The following RBPMS variants were observed in gnomAD, a reference collection of about 807,000 sequenced individuals.
The protein encoded by RBPMS is RNA-binding protein with multiple splicing.
RBPMS carries 7 observed loss-of-function variants against 26.8 expected under a neutral mutation model. The observed-to-expected ratio is 0.26, with a 90% confidence interval of 0.15 to 0.49. The LOEUF is 0.49. Ranked by LOEUF, RBPMS falls within the 20% of genes least tolerant of loss-of-function variation. The pLI, the probability that RBPMS is intolerant of heterozygous loss-of-function variation, is 0.98. For synonymous variants in RBPMS, 96 were observed against 93.3 expected, an observed-to-expected ratio of 1.03 and a Z score of -0.17; for missense variants, 186 against 250.0, an observed-to-expected ratio of 0.74 and a Z score of 1.73.
intron 1 of RBPMS, among the ~76,000 whole-genome samples, chr8:30,421,608 A>G (rs956005546): frequency 2.0e-5 from 3 of 152,180 alleles, no homozygotes; most frequent in Non-Finnish European, 4.4e-5. Context: ...GGATAATGTC[A>G]TATCCTCACA....
chr8:30,566,949 T>C (rs1320010992), intron 8 of RBPMS, among the ~76,000 whole-genome samples: 1 of 152,138 alleles, frequency 6.6e-6, no homozygotes, highest in Non-Finnish European at 1.5e-5. Context: ...TGATCTGTCT[T>C]TTCAGTCGGT....
At chr8:30,482,410 C>T (rs1818374263) in intron 4 of RBPMS, among the ~76,000 whole-genome samples, 1 of 152,166 alleles carries the variant, frequency 6.6e-6, no homozygotes, top group Admixed American at 6.5e-5. Flanking sequence ...ACGACTTCTC[C>T]ATGTTTAATT....
chr8:30,421,309 T>C (rs1810761618), intron 1 of RBPMS, among the ~76,000 whole-genome samples: 1 of 152,166 alleles, frequency 6.6e-6, no homozygotes, highest in Admixed American at 6.5e-5. Flanking sequence ...ACTAAGAAAT[T>C]ATCACCAGAC....
At chr8:30,516,923 G>GACACACACACACACACACAC (rs67235611) in intron 5 of RBPMS, among the ~76,000 whole-genome samples, 2 of 146,390 alleles carry the variant, frequency 1.4e-5, no homozygotes, top group East Asian at 2.0e-4. Flanking sequence ...CACACACACA[G>GACACACACACACACACACAC]ACACACATGA....
At chr8:30,432,097 GCCTGGACAACAGAGTGAGAC>G (rs941720864) in intron 1 of RBPMS, among the ~76,000 whole-genome samples, 3 of 152,148 alleles carry the variant, frequency 2.0e-5, no homozygotes, top group African/African-American at 4.8e-5. Context: ...CTGCACTCCA[GCCTGGACAACAGAGTGAGAC>G]CCTGTCTCAA....
intron 5 of RBPMS, among the ~76,000 whole-genome samples, chr8:30,528,298 G>T (rs1387100028): frequency 6.6e-6 from 1 of 152,140 alleles, no homozygotes; most frequent in Non-Finnish European, 1.5e-5. Flanking sequence ...TCTGCAATAG[G>T]ATTTGGTTCC....
chr8:30,389,071 A>T (rs763211776), intron 1 of RBPMS, among the ~76,000 whole-genome samples: 7 of 152,336 alleles, frequency 4.6e-5, no homozygotes, highest in Non-Finnish European at 4.4e-5. Context: ...TGGCAACCTC[A>T]AATTTTCATT....
chr8:30,392,264 AG>A (rs1257145398), intron 1 of RBPMS, among the ~76,000 whole-genome samples: 2 of 152,158 alleles, frequency 1.3e-5, no homozygotes, highest in Non-Finnish European at 2.9e-5. Flanking sequence ...GCTAAATCTC[AG>A]TTAAGATTTT....
At chr8:30,477,675 CCCAGATAA>C in intron 2 of RBPMS, 116 bp from the exon 3 acceptor site, 1 of 664,654 alleles carries the variant, frequency 1.5e-6, no homozygotes, top group Admixed American at 2.6e-5. Flanking sequence ...AATTTGCTTT[CCCAGATAA>C]CTTAGGAGAC....
intron 5 of RBPMS, among the ~76,000 whole-genome samples, chr8:30,533,791 T>A (rs1281888106): frequency 6.6e-6 from 1 of 152,136 alleles, no homozygotes. Flanking sequence ...CAAATCAGGT[T>A]TTTTCCCCCC....
chr8:30,440,561 C>G (rs56255047), intron 1 of RBPMS, among the ~76,000 whole-genome samples: 36,854 of 152,034 alleles, frequency 0.24, 4,915 homozygotes, highest in East Asian at 0.43. Context: ...TTCCATCCTT[C>G]TGTCAAATGG....
At chr8:30,409,286 T>G (rs1211180459) in intron 1 of RBPMS, among the ~76,000 whole-genome samples, 1 of 151,858 alleles carries the variant, frequency 6.6e-6, no homozygotes, top group African/African-American at 2.4e-5. Flanking sequence ...TTCTGCCTCC[T>G]GGGTTCAAGC....
At chr8:30,557,828 G>A (rs190413179) in intron 6 of RBPMS, among the ~76,000 whole-genome samples, 23 of 152,348 alleles carry the variant, frequency 1.5e-4, no homozygotes, top group Admixed American at 3.9e-4. Context: ...GATGGATGCC[G>A]TTAAAGACAA....
At chr8:30,446,795 TTGTGTGTGTGTGTGTGTGTGTGTGTG>T (rs749402868) in intron 1 of RBPMS, 3 of 112,432 alleles carry the variant, frequency 2.7e-5, no homozygotes, top group Non-Finnish European at 3.6e-5. Context: ...CACACATGGC[TTGTGTGTGTGTGTGTGTGTGTGTGTG>T]TGTGTGTGTG....
intron 6 of RBPMS, among the ~76,000 whole-genome samples, chr8:30,551,698 C>T (rs1299754507): frequency 2.6e-5 from 4 of 152,172 alleles, no homozygotes; most frequent in Admixed American, 1.3e-4. Flanking sequence ...GATTAACAAC[C>T]GCGTGGCCCA....
intron 1 of RBPMS, chr8:30,442,934 G>A (rs140194253): frequency 7.3e-4 from 111 of 152,310 alleles, no homozygotes; most frequent in African/African-American, 2.5e-3. Flanking sequence ...TAAGCTCTCC[G>A]ACCGTGACTC....
rs567625016 is a variant in RBPMS at position 30,436,076 on chromosome 8, G to A, written c.67-38703G>A. 1.2e-4 allele frequency among the ~76,000 whole-genome samples: 19 copies of A among 152,300 alleles called. No homozygotes were observed. The South Asian group carries it at 3.9e-3, about 32-fold the overall frequency. On this transcript the variant is annotated intron_variant, in intron 1 of 8. Transcript: ENST00000397323. The stretch of plus-strand genomic sequence containing the variant: ...ACAACAATTTTTCTGACTCTTCTTA[G>A]TCCTTATGTGGAATTCAGTTATTTC...
chr8:30,431,349 T>TTTTC (rs909413885), intron 1 of RBPMS, among the ~76,000 whole-genome samples: 4 of 111,688 alleles, frequency 3.6e-5, no homozygotes, highest in African/African-American at 1.4e-4. Flanking sequence ...TTTTCTTTTT[T>TTTTC]TTTCTTTCTC....
At position 30,417,533 on chromosome 8, in the gene RBPMS, A is replaced by T. The variant is rs143052469; in HGVS notation, c.66+32375A>T. Among the ~76,000 whole-genome samples, 1,218 of 152,320 alleles carry T rather than the reference A, an allele frequency of 8.0e-3. 14 individuals carry two copies. The highest frequency in any genetic ancestry group is 0.026 in the African/African-American group (1,099 of 41,564). ...AAGTTTTCAGTAATTGTGACTTTTTAAACATGTAAAAGTATGGAAGTACAT... is the reference window on the plus strand; with the variant it reads ...AAGTTTTCAGTAATTGTGACTTTTTTAACATGTAAAAGTATGGAAGTACAT... On this transcript the variant is annotated intron_variant, in intron 1 of 8. Coordinates refer to ENST00000397323, the MANE Select transcript of RBPMS (RefSeq NM_001008710.3).
Sources: allele counts gnomAD v4.1 joint callset (sites outside exome capture counted in the v4.1 genomes callset), GRCh38; gene constraint gnomAD v4.1.1; transcripts MANE v1.5; gene names NCBI Gene and HGNC (gene_info 2026-07-23, HGNC 2026-07-21).